CRIM1: variants seen among roughly 807,000 people sequenced by gnomAD.
CRIM1 encodes cysteine rich transmembrane BMP regulator 1, also known as cysteine-rich motor neuron 1 protein.
Under a neutral mutation model 116.4 loss-of-function variants are expected in CRIM1, and 32 were observed. The ratio of observed to expected loss-of-function variants is 0.27; its 90% confidence interval spans 0.21 to 0.37. The LOEUF is 0.37. CRIM1 is among the 10% of genes least tolerant of loss of function. The pLI is 1.00. For synonymous variants in CRIM1, 590 were observed against 509.2 expected (o/e 1.16, Z -2.13); for missense variants, 1,331 against 1,354.8 (o/e 0.98, Z 0.28).
At chr2:36,515,070 A>T (rs755018454) in intron 11 of CRIM1, among the ~76,000 whole-genome samples, 2 of 152,212 alleles carry the variant, frequency 1.3e-5, no homozygotes, top group Admixed American at 6.5e-5. Flanking sequence ...TGAGGACTTT[A>T]ATATGATAGA....
At chr2:36,545,419 G>A (rs532929699) in intron 15 of CRIM1, among the ~76,000 whole-genome samples, 1 of 152,206 alleles carries the variant, frequency 6.6e-6, no homozygotes, top group African/African-American at 2.4e-5. Flanking sequence ...CTGTTCTAGA[G>A]GCTAGACTTC....
chr2:36,365,902 TTG>T (rs1669565619), intron 1 of CRIM1, among the ~76,000 whole-genome samples: 2 of 151,864 alleles, frequency 1.3e-5, no homozygotes, highest in African/African-American at 4.8e-5. Flanking sequence ...CCCAACTACT[TTG>T]TGTATTTTTA....
chr2:36,419,476 A>G (rs975496719), intron 2 of CRIM1, among the ~76,000 whole-genome samples: 4 of 152,184 alleles, frequency 2.6e-5, no homozygotes, highest in Admixed American at 2.0e-4. Context: ...ACATCCCAGA[A>G]TAGGTAGTTT....
At chr2:36,375,705 G>A (rs950870883) in intron 1 of CRIM1, among the ~76,000 whole-genome samples, 4 of 152,204 alleles carry the variant, frequency 2.6e-5, no homozygotes, top group Admixed American at 6.5e-5. Flanking sequence ...CTAAGCCACA[G>A]TATGTGGCTA....
chr2:36,432,035 G>C (rs1466400171), intron 2 of CRIM1, among the ~76,000 whole-genome samples: 1 of 152,146 alleles, frequency 6.6e-6, no homozygotes, highest in Non-Finnish European at 1.5e-5. Context: ...TAATGTTTAT[G>C]CCTCTGTGAC....
At chr2:36,402,372 G>A (rs1278908331) in intron 2 of CRIM1, among the ~76,000 whole-genome samples, 1 of 147,540 alleles carries the variant, frequency 6.8e-6, no homozygotes, top group Non-Finnish European at 1.5e-5. Context: ...AACAGCAACT[G>A]CAAAAGCTCT....
chr2:36,407,314 T>A (rs1048672445), intron 2 of CRIM1, among the ~76,000 whole-genome samples: 1 of 152,218 alleles, frequency 6.6e-6, no homozygotes, highest in African/African-American at 2.4e-5. Flanking sequence ...TACAAGTACA[T>A]GTGTTTCATT....
chr2:36,521,663 A>C (rs1195411154), intron 12 of CRIM1, among the ~76,000 whole-genome samples: 2 of 152,210 alleles, frequency 1.3e-5, no homozygotes, highest in African/African-American at 4.8e-5. Context: ...TTCTTTGAAG[A>C]AAGTGAAAGC....
intron 1 of CRIM1, among the ~76,000 whole-genome samples, chr2:36,359,034 T>C (rs1669045869): frequency 6.6e-6 from 1 of 152,350 alleles, no homozygotes; most frequent in East Asian, 1.9e-4. Context: ...AAGGTATTGA[T>C]TATCTCTTGT....
At chr2:36,364,394 A>G (rs756045842) in intron 1 of CRIM1, among the ~76,000 whole-genome samples, 3 of 152,228 alleles carry the variant, frequency 2.0e-5, no homozygotes, top group Non-Finnish European at 1.5e-5. Context: ...CCTTGTTTTC[A>G]CACAGGCCAT....
chr2:36,430,204 A>G (rs955150838), intron 2 of CRIM1, among the ~76,000 whole-genome samples: 1 of 152,180 alleles, frequency 6.6e-6, no homozygotes, highest in African/African-American at 2.4e-5. Context: ...TACTTTTTCC[A>G]CCTACCTCTG....
chr2:36,362,954 T>C (rs1385143897), intron 1 of CRIM1, among the ~76,000 whole-genome samples: 1 of 151,890 alleles, frequency 6.6e-6, no homozygotes. Context: ...TCCCAGCACT[T>C]TGTGGGGCTG....
intron 7 of CRIM1, among the ~76,000 whole-genome samples, chr2:36,489,283 A>G (rs1680057567): frequency 6.6e-6 from 1 of 152,202 alleles, no homozygotes; most frequent in African/African-American, 2.4e-5. Context: ...ATTGCCCTGC[A>G]TGTCAGCTCA....
intron 7 of CRIM1, among the ~76,000 whole-genome samples, chr2:36,497,512 G>A (rs1322775536): frequency 6.6e-6 from 1 of 152,152 alleles, no homozygotes; most frequent in East Asian, 1.9e-4. Flanking sequence ...AGAGAATGGA[G>A]GGGAGCAGCA....
At chr2:36,447,648 C>T (rs1676353257) in intron 4 of CRIM1, among the ~76,000 whole-genome samples, 1 of 152,200 alleles carries the variant, frequency 6.6e-6, no homozygotes, top group Admixed American at 6.5e-5. Flanking sequence ...CAGAACACTT[C>T]TGCCATGTTC....
At chr2:36,476,030 A>T (rs1678949297) in intron 5 of CRIM1, among the ~76,000 whole-genome samples, 1 of 151,790 alleles carries the variant, frequency 6.6e-6, no homozygotes. Context: ...ACTGATCTGT[A>T]GTTGTGTTTT....
At chr2:36,436,741 C>T (rs1305316116) in intron 2 of CRIM1, among the ~76,000 whole-genome samples, 1 of 152,036 alleles carries the variant, frequency 6.6e-6, no homozygotes, top group African/African-American at 2.4e-5. Flanking sequence ...CAAAAACATG[C>T]AAAACTCAAG....
At chr2:36,468,088 A>G (rs540739911) in intron 5 of CRIM1, among the ~76,000 whole-genome samples, 1 of 152,322 alleles carries the variant, frequency 6.6e-6, no homozygotes, top group Non-Finnish European at 1.5e-5. Flanking sequence ...CAATTTTGCA[A>G]ACTGCCCAAC....
intron 2 of CRIM1, among the ~76,000 whole-genome samples, chr2:36,439,377 T>C (rs1252778945): frequency 6.6e-6 from 1 of 152,250 alleles, no homozygotes; most frequent in Non-Finnish European, 1.5e-5. Context: ...CAAAGTCCTA[T>C]CTTTCTAAGA....
Sources: gnomAD v4.1 joint callset for allele counts (sites outside exome capture counted in the v4.1 genomes callset) on GRCh38, gnomAD v4.1.1 for gene constraint, MANE v1.5 for transcripts, NCBI Gene and HGNC (gene_info 2026-07-23, HGNC 2026-07-21) for gene names.